The following SRBD1 variants were observed in gnomAD, a reference collection of about 807,000 sequenced individuals.
SRBD1 encodes S1 RNA binding domain 1, also known as S1 RNA-binding domain-containing protein 1.
Under a neutral mutation model 115.3 loss-of-function variants are expected in SRBD1, and 88 were observed. The ratio of observed to expected loss-of-function variants is 0.76; its 90% CI spans 0.64 to 0.91. The LOEUF (loss-of-function observed/expected upper bound fraction) is 0.91, where lower values mean the gene tolerates loss of function less well. Ranked by LOEUF, SRBD1 falls within the 40% of genes least tolerant of loss-of-function variation. The pLI is 0.00. For synonymous variants in SRBD1, 509 were observed against 407.7 expected, an observed-to-expected ratio of 1.25 and a Z score of -2.99; for missense variants, 1,385 against 1,177.4, an observed-to-expected ratio of 1.18 and a Z score of -2.58.
In SRBD1 at chr2:45,547,446, T is replaced by C; in HGVS notation, c.1766+76A>G. 4.5e-6 allele frequency: 6 copies of C among 1,322,110 alleles called. No individual in the cohort carries two copies. In the South Asian group the frequency reaches 5.1e-5, roughly 11 times the overall value. 81.9% of individuals were successfully genotyped at this position (1,322,110 alleles called of 1,614,324 possible). Reference sequence around the variant, plus strand: ...AAAGGCACCTCCCTTAATCCCTCCCTCCAAATTAGGGGCTTCAAAGGTATC... The same window carrying C: ...AAAGGCACCTCCCTTAATCCCTCCCCCCAAATTAGGGGCTTCAAAGGTATC... On this transcript the variant is annotated intron_variant, in intron 13 of 20. Coordinates refer to ENST00000263736, the MANE Select transcript of SRBD1 (RefSeq NM_018079.5).
At chr2:45,396,193 A>C (rs1667142183) in intron 19 of SRBD1, among the ~76,000 whole-genome samples, 2 of 152,178 alleles carry the variant, frequency 1.3e-5, no homozygotes, top group African/African-American at 4.8e-5. Context: ...TTCTAACTGG[A>C]GTTTTATGCC....
intron 6 of SRBD1, among the ~76,000 whole-genome samples, chr2:45,580,508 G>C (rs1673320465): frequency 7.9e-6 from 1 of 126,822 alleles, no homozygotes; most frequent in Non-Finnish European, 1.7e-5. Flanking sequence ...ACTACGTCCA[G>C]CTATTTTTTT....
chr2:45,549,900 A>G (rs1450312314), intron 12 of SRBD1, among the ~76,000 whole-genome samples: 1 of 152,068 alleles, frequency 6.6e-6, no homozygotes, highest in Non-Finnish European at 1.5e-5. Flanking sequence ...ACATAAGTCA[A>G]AATTAGAAAA....
intron 19 of SRBD1, among the ~76,000 whole-genome samples, chr2:45,411,266 A>G (rs1429004537): frequency 1.3e-5 from 2 of 152,234 alleles, no homozygotes; most frequent in Non-Finnish European, 2.9e-5. Context: ...AGAGGCCACG[A>G]AAGTGTTCTA....
rs570580994 is a variant in SRBD1, at chr2:45,486,499, G to A, written c.1966+1741C>T. ...TCCCAGCACTTTGGGAGGCCGAGGT[G>A]GGTGGATCATGAGGTCAGGAGATCG... On this transcript the variant is annotated intron_variant, in intron 15 of 20. Transcript: ENST00000263736. 2.0e-5 allele frequency among the ~76,000 whole-genome samples: 3 copies of A among 152,100 alleles called. No individual in the cohort carries two copies. The South Asian group carries it at 6.2e-4, about 32-fold the overall frequency.
intron 14 of SRBD1, among the ~76,000 whole-genome samples, chr2:45,531,551 G>C (rs550722600): frequency 5.3e-5 from 8 of 151,454 alleles, no homozygotes; most frequent in Admixed American, 6.6e-5. Context: ...CAGTAAAGAC[G>C]ATAGGAATAG....
intron 4 of SRBD1, among the ~76,000 whole-genome samples, chr2:45,594,722 C>A (rs1253941288): frequency 6.6e-6 from 1 of 152,142 alleles, no homozygotes; most frequent in Non-Finnish European, 1.5e-5. Flanking sequence ...CCGATAGACC[C>A]TATGTTCCAT....
chr2:45,572,546 A>G (rs1673051470), intron 9 of SRBD1, among the ~76,000 whole-genome samples: 1 of 152,156 alleles, frequency 6.6e-6, no homozygotes, highest in Non-Finnish European at 1.5e-5. Context: ...CCTGCCTTAC[A>G]TGAAATATTA....
chr2:45,568,118 G>C (rs762737791), intron 9 of SRBD1: 1 of 152,216 alleles, frequency 6.6e-6, no homozygotes, highest in Admixed American at 6.5e-5. Flanking sequence ...TCAGTAAAAA[G>C]ACACACCAAT....
intron 16 of SRBD1, among the ~76,000 whole-genome samples, chr2:45,445,626 A>T (rs1273939437): frequency 6.6e-6 from 1 of 151,810 alleles, no homozygotes; most frequent in Non-Finnish European, 1.5e-5. Context: ...AAAGTCAGAA[A>T]CATATTAAAG....
intron 16 of SRBD1, among the ~76,000 whole-genome samples, chr2:45,434,567 T>C (rs958219042): frequency 6.6e-6 from 1 of 152,064 alleles, no homozygotes; most frequent in Non-Finnish European, 1.5e-5. Flanking sequence ...TTTTAAAGGG[T>C]CAATGTTCTC....
intron 1 of SRBD1, among the ~76,000 whole-genome samples, chr2:45,610,899 G>A (rs1674426675): frequency 6.7e-6 from 1 of 150,058 alleles, no homozygotes; most frequent in African/African-American, 2.5e-5. Flanking sequence ...CTACACTCCA[G>A]CCTGGGCGAC....
chr2:45,482,530 T>G (rs1669996701), intron 15 of SRBD1, among the ~76,000 whole-genome samples: 2 of 151,460 alleles, frequency 1.3e-5, no homozygotes, highest in South Asian at 4.2e-4. Context: ...TTACAGAGAT[T>G]TTACGTACAG....
chr2:45,489,348 T>C (rs551565538), intron 14 of SRBD1, among the ~76,000 whole-genome samples: 3 of 152,326 alleles, frequency 2.0e-5, no homozygotes, highest in African/African-American at 4.8e-5. Flanking sequence ...ATTTAATGGA[T>C]GACATGTAAC....
chr2:45,517,984 G>C (rs1207314481), intron 14 of SRBD1, among the ~76,000 whole-genome samples: 1 of 152,072 alleles, frequency 6.6e-6, no homozygotes, highest in Non-Finnish European at 1.5e-5. Flanking sequence ...CTGGGTGACA[G>C]GGAGCCTATC....
In SRBD1 at chr2:45,574,706, C is replaced by T. The variant is rs761844657; in HGVS notation, c.1090G>A (p.Asp364Asn). The change falls in exon 8 of 21, where the codon GAT (aspartate) becomes AAT (asparagine). Residue 364 changes from aspartate (D) to asparagine (N), a missense_variant. Coordinates refer to ENST00000263736, the MANE Select transcript of SRBD1 (RefSeq NM_018079.5). ...ATATGCTGCACTCCTATTTCAATAT[C>T]CTGAAGCGTTGAAAGCCCTTTAGGA... ...PDVKGLSTLQ[D>N]IEIGVQHILA... 1.2e-6 allele frequency: 2 copies of T among 1,612,940 alleles called. No homozygotes were observed. The highest frequency in any genetic ancestry group is 1.7e-6 in the Non-Finnish European group (2 of 1,179,652).
intron 9 of SRBD1, among the ~76,000 whole-genome samples, 153 bp downstream of exon 9, chr2:45,573,054 G>C (rs908393766): frequency 2.0e-5 from 3 of 152,098 alleles, no homozygotes; most frequent in Non-Finnish European, 2.9e-5. Flanking sequence ...AATTTGTGAA[G>C]CGGCAAGGAT....
At chr2:45,593,162 A>G (rs1673777589) in intron 4 of SRBD1, among the ~76,000 whole-genome samples, 1 of 152,152 alleles carries the variant, frequency 6.6e-6, no homozygotes, top group South Asian at 2.1e-4. Flanking sequence ...TTTTAGGCTA[A>G]TTCCTCTATA....
rs1667048663 is a variant in SRBD1 at position 45,393,048 on chromosome 2, C to G, written c.2595G>C (p.Lys865Asn). Residue 865 changes from lysine to asparagine, a missense_variant, in exon 20 of 21, where the codon AAG (lysine) becomes AAC (asparagine). By Grantham distance (94) the Lys-to-Asn change is moderately conservative. Coordinates refer to ENST00000263736, the MANE Select transcript of SRBD1 (RefSeq NM_018079.5). ...MQQKINSFLEKEGMEKIAERL... is the reference protein window; with the variant it reads ...MQQKINSFLENEGMEKIAERL... ...TTTCTGCAATTTTCTCCATTCCTTC[C>G]TTTTCAAGGAATGAATTTATTTTTT... is the stretch of plus-strand genomic sequence containing the variant. 1 of 1,614,036 alleles carries G rather than the reference C, an allele frequency of 6.2e-7. No homozygotes were observed. Among genetic ancestry groups the G allele is most frequent in the Non-Finnish European group, 8.5e-7 (1 of 1,179,964 alleles).
Sources: allele counts gnomAD v4.1 joint callset (sites outside exome capture counted in the v4.1 genomes callset), GRCh38; gene constraint gnomAD v4.1.1; transcripts MANE v1.5; gene names NCBI Gene and HGNC (gene_info 2026-07-23, HGNC 2026-07-21).